Variants in LRBA observed in about 807,000 individuals in gnomAD.
The protein encoded by LRBA is LPS responsive beige-like anchor protein, also known as lipopolysaccharide-responsive and beige-like anchor protein.
LRBA carries 176 observed loss-of-function variants against 330.0 expected under a neutral mutation model. The ratio of observed to expected loss-of-function variants is 0.53; its 90% CI spans 0.47 to 0.60. The LOEUF (loss-of-function observed/expected upper bound fraction) is 0.60. Among genes scored for constraint, LRBA ranks in the 20% least tolerant of loss-of-function variants. The pLI is 0.00. For synonymous variants in LRBA, 1,230 were observed against 1,193.0 expected, an observed-to-expected ratio of 1.03 and a Z score of -0.64; for missense variants, 3,259 against 3,444.8, an observed-to-expected ratio of 0.95 and a Z score of 1.35.
intron 14 of LRBA, among the ~76,000 whole-genome samples, chr4:150,898,148 G>T (rs762930574): frequency 1.1e-4 from 17 of 151,952 alleles, no homozygotes; most frequent in Non-Finnish European, 2.2e-4. Context: ...TTAAGACTCT[G>T]AGAGTATTAG....
intron 37 of LRBA, among the ~76,000 whole-genome samples, chr4:150,620,803 G>A (rs1438603356): frequency 1.3e-5 from 2 of 152,152 alleles, no homozygotes; most frequent in African/African-American, 4.8e-5. Flanking sequence ...TGGGGACTCA[G>A]AAGGGGTAGG....
intron 36 of LRBA, among the ~76,000 whole-genome samples, chr4:150,695,174 G>A (rs188883268): frequency 6.6e-4 from 100 of 152,264 alleles, no homozygotes; most frequent in Non-Finnish European, 1.3e-3. Flanking sequence ...GCTGCTATCT[G>A]TGTTCAAGAA....
chr4:150,597,033 G>A (rs749426167), intron 38 of LRBA: 4 of 908,644 alleles, frequency 4.4e-6, no homozygotes, highest in South Asian at 1.7e-5. Context: ...TAACATTTTG[G>A]AGTATGACAA....
intron 48 of LRBA, among the ~76,000 whole-genome samples, chr4:150,339,821 G>A (rs1283178577): frequency 2.0e-5 from 3 of 150,102 alleles, no homozygotes; most frequent in Non-Finnish European, 4.4e-5. Flanking sequence ...CTTCTCTACT[G>A]GAAATTTACG....
intron 36 of LRBA, among the ~76,000 whole-genome samples, chr4:150,722,200 C>A (rs1420702847): frequency 6.6e-6 from 1 of 151,960 alleles, no homozygotes; most frequent in African/African-American, 2.4e-5. Flanking sequence ...TATTTCCACA[C>A]CCAGAAAAAA....
chr4:150,737,983 C>CTTTTTTTTTTTTTTT (rs774453122), intron 35 of LRBA, among the ~76,000 whole-genome samples: 1 of 112,170 alleles, frequency 8.9e-6, no homozygotes. Flanking sequence ...TTCTCTGAAT[C>CTTTTTTTTTTTTTTT]TTTTTTTTTT....
chr4:150,922,777 A>G (rs1733442374), intron 4 of LRBA, among the ~76,000 whole-genome samples: 1 of 149,962 alleles, frequency 6.7e-6, no homozygotes, highest in South Asian at 2.2e-4. Flanking sequence ...AAATAAAATT[A>G]AAAAATAAAA....
At chr4:150,821,285 T>A (rs1441314561) in intron 30 of LRBA, among the ~76,000 whole-genome samples, 1 of 152,044 alleles carries the variant, frequency 6.6e-6, no homozygotes, top group Non-Finnish European at 1.5e-5. Flanking sequence ...TTGTTCTTAT[T>A]ATCATTTTTT....
chr4:150,509,958 G>A (rs1166726876), intron 40 of LRBA, among the ~76,000 whole-genome samples: 1 of 152,120 alleles, frequency 6.6e-6, no homozygotes, highest in Non-Finnish European at 1.5e-5. Context: ...CCAACATGGT[G>A]AAACCGCATC....
chr4:150,441,003 G>T (rs927118702), intron 44 of LRBA, among the ~76,000 whole-genome samples: 3 of 152,030 alleles, frequency 2.0e-5, no homozygotes, highest in African/African-American at 7.2e-5. Flanking sequence ...GGTTTTGTAA[G>T]AAGACTGCAA....
In LRBA at chr4:150,916,532, A is replaced by G. The variant is rs1217248749; in HGVS notation, c.768-5T>C. On this transcript the variant is annotated splice_region_variant and splice_polypyrimidine_tract_variant and intron_variant, in intron 6 of 56. Coordinates refer to ENST00000651943, the MANE Select transcript of LRBA (RefSeq NM_001364905.1). ...AGACCTTTGCTGGTTCTGAAACTAT[A>G]AAGAATAGTTTTCATTTTACCTCTA... 1.9e-6 allele frequency: 3 copies of G among 1,611,312 alleles called. No individual in the cohort carries two copies. Among genetic ancestry groups the G allele is most frequent in the African/African-American group, 2.7e-5 (2 of 74,694 alleles).
chr4:150,929,315 G>T (rs1347478624), intron 2 of LRBA, among the ~76,000 whole-genome samples: 6 of 152,102 alleles, frequency 3.9e-5, no homozygotes, highest in Admixed American at 2.6e-4. Context: ...TAGGTAAATT[G>T]CTATCTACTA....
At chr4:150,679,284 T>C (rs1582022161) in intron 37 of LRBA, among the ~76,000 whole-genome samples, 1 of 152,174 alleles carries the variant, frequency 6.6e-6, no homozygotes, top group East Asian at 1.9e-4. Flanking sequence ...ACAAAGAAGA[T>C]TAAAAATTCT....
chr4:150,802,004 T>TATAAATAAATAA (rs10582625), intron 33 of LRBA, among the ~76,000 whole-genome samples: 27 of 132,042 alleles, frequency 2.0e-4, no homozygotes, highest in African/African-American at 4.9e-4. Flanking sequence ...AACCCATCTC[T>TATAAATAAATAA]ATAAATAAAT....
intron 37 of LRBA, among the ~76,000 whole-genome samples, chr4:150,676,451 G>A (rs1018943062): frequency 3.4e-4 from 52 of 152,118 alleles, no homozygotes; most frequent in Admixed American, 3.4e-3. Flanking sequence ...ATAGTAAGTG[G>A]TATACAGCCA....
chr4:150,661,378 T>C (rs2126825407), intron 37 of LRBA, among the ~76,000 whole-genome samples: 1 of 150,744 alleles, frequency 6.6e-6, no homozygotes, highest in East Asian at 2.0e-4. Context: ...GAAGAATTGC[T>C]TGAAGCTGGG....
intron 2 of LRBA, among the ~76,000 whole-genome samples, chr4:151,006,274 T>C (rs1744065684): frequency 6.6e-6 from 1 of 152,000 alleles, no homozygotes. Flanking sequence ...TGCCGTGAGC[T>C]GAGATCACGC....
In LRBA at chr4:150,391,972, TAAAAAAAAAAA is replaced by T. The variant is rs150931536; in HGVS notation, c.7194+23455_7194+23465del. Among the ~76,000 whole-genome samples the T allele has an allele frequency of 2.4e-4, 26 of 107,442 alleles. 1 individual carries two copies. Among genetic ancestry groups the T allele is most frequent in the South Asian group, 2.1e-3 (6 of 2,926 alleles). The allele number at this position is 107,442 out of a possible 152,430, so 70.5% of individuals were successfully genotyped here. ...ATCTGATTGATACTCTGTTACTCTT[TAAAAAAAAAAA>T]AAAAAAAAAAAAAAACTTTACAAAA... On this transcript the variant is annotated intron_variant, in intron 47 of 56. Transcript: ENST00000651943.
chr4:150,832,161 A>G (rs1747301743), intron 28 of LRBA, among the ~76,000 whole-genome samples, 185 bp from the exon 29 acceptor site: 1 of 152,212 alleles, frequency 6.6e-6, no homozygotes, highest in African/African-American at 2.4e-5. Context: ...AAAGACTCTT[A>G]GAAAAATGTC....
Sources: gnomAD v4.1 joint callset for allele counts (sites outside exome capture counted in the v4.1 genomes callset) on GRCh38, gnomAD v4.1.1 for gene constraint, MANE v1.5 for transcripts, NCBI Gene and HGNC (gene_info 2026-07-23, HGNC 2026-07-21) for gene names.